The following STRBP variants were observed in gnomAD, a reference collection of about 807,000 sequenced individuals.
STRBP encodes spermatid perinuclear RNA-binding protein.
STRBP carries 13 observed loss-of-function variants against 80.1 expected under a neutral mutation model. The observed-to-expected ratio is 0.16, with a 90% CI of 0.11 to 0.26. The LOEUF (loss-of-function observed/expected upper bound fraction) is 0.26, where lower values mean the gene tolerates loss of function less well. Ranked by LOEUF, STRBP falls within the 10% of genes least tolerant of loss-of-function variation. The probability of loss-of-function intolerance (pLI) is 1.00; values close to 1 mark genes in which losing one functional copy is unlikely to be tolerated. For synonymous variants in STRBP, 284 were observed against 291.2 expected (o/e 0.98, Z 0.25); for missense variants, 485 against 815.2 (o/e 0.59, Z 4.93).
At chr9:123,263,611 C>G (rs1206497057) in intron 1 of STRBP, among the ~76,000 whole-genome samples, 1 of 150,610 alleles carries the variant, frequency 6.6e-6, no homozygotes, top group Non-Finnish European at 1.5e-5. Context: ...CTCTTTACAA[C>G]TTGTAAACCA....
intron 13 of STRBP, among the ~76,000 whole-genome samples, chr9:123,141,365 T>C (rs1204892179): frequency 6.6e-6 from 1 of 152,220 alleles, no homozygotes; most frequent in Non-Finnish European, 1.5e-5. Context: ...TTTTTTAACA[T>C]CTTAAGTTCT....
chr9:123,167,282 A>AT (rs771895808), intron 6 of STRBP, among the ~76,000 whole-genome samples: 4 of 150,932 alleles, frequency 2.7e-5, no homozygotes, highest in African/African-American at 4.9e-5. Flanking sequence ...GTTACAATGG[A>AT]TTTTTTTTTA....
chr9:123,122,744 G>A lies in STRBP; in HGVS notation c.*2853C>T. On this transcript the variant is annotated 3_prime_UTR_variant, in exon 19 of 19. Transcript: ENST00000348403. ...GGCTTCAAGGAGGACCCCTATCTCT[G>A]AGAAATTATAGTAACGCTAACTGAC... 1 of 992,676 alleles carries A rather than the reference G, an allele frequency of 1.0e-6. No individual in the cohort carries two copies. Among genetic ancestry groups the A allele is most frequent in the South Asian group, 4.6e-5 (1 of 21,874 alleles). The allele number at this position is 992,676 out of a possible 1,614,324, so 61.5% of individuals were successfully genotyped here.
chr9:123,219,133 C>A lies in STRBP; in HGVS notation c.-165+17697G>T, dbSNP rs16926267. Among the ~76,000 whole-genome samples, 428 of 152,258 alleles carry A rather than the reference C, an allele frequency of 2.8e-3. 5 individuals are homozygous for A. Among genetic ancestry groups the A allele is most frequent in the African/African-American group, 9.9e-3 (413 of 41,548 alleles). On this transcript the variant is annotated intron_variant, in intron 2 of 18. Transcript: ENST00000348403. ...CCATTCTACAAGGGCTCCCTATGCC[C>A]TAAAAGACAGAGAACAGGAGTTTGC... is the stretch of plus-strand genomic sequence containing the variant.
chr9:123,205,777 C>A (rs1003792031), intron 2 of STRBP, among the ~76,000 whole-genome samples: 1 of 152,138 alleles, frequency 6.6e-6, no homozygotes, highest in African/African-American at 2.4e-5. Context: ...GCATCCTCTG[C>A]CACAGTTGGA....
intron 2 of STRBP, among the ~76,000 whole-genome samples, chr9:123,222,531 A>T (rs1221076789): frequency 6.6e-6 from 1 of 152,220 alleles, no homozygotes; most frequent in African/African-American, 2.4e-5. Flanking sequence ...ACAAATTACT[A>T]ATATCAGAAA....
intron 2 of STRBP, among the ~76,000 whole-genome samples, chr9:123,116,534 AG>A (rs1336831882): frequency 6.6e-6 from 1 of 152,198 alleles, no homozygotes; most frequent in Non-Finnish European, 1.5e-5. Flanking sequence ...ACACTAACAA[AG>A]GAACAGAAAA....
intron 6 of STRBP, among the ~76,000 whole-genome samples, chr9:123,168,549 T>G (rs1017325587): frequency 2.0e-5 from 3 of 152,242 alleles, no homozygotes; most frequent in Admixed American, 1.3e-4. Context: ...TGGTACCTTT[T>G]TCTCTACCCT....
intron 3 of STRBP, among the ~76,000 whole-genome samples, chr9:123,180,509 T>A (rs1024361376): frequency 6.6e-6 from 1 of 152,212 alleles, no homozygotes; most frequent in African/African-American, 2.4e-5. Flanking sequence ...CTCCTCAGGA[T>A]TGATTTACTT....
intron 11 of STRBP, among the ~76,000 whole-genome samples, chr9:123,155,897 A>G (rs2037263612): frequency 6.6e-6 from 1 of 152,048 alleles, no homozygotes; most frequent in South Asian, 2.1e-4. Flanking sequence ...CTAGGTGCTA[A>G]AAGCATGAAA....
intron 16 of STRBP, among the ~76,000 whole-genome samples, chr9:123,135,631 C>T (rs1015864079): frequency 6.6e-6 from 1 of 152,048 alleles, no homozygotes; most frequent in Non-Finnish European, 1.5e-5. Flanking sequence ...TGCAAAAGCA[C>T]GAAACTGCAA....
At chr9:123,134,274 A>G (rs1588459088) in intron 16 of STRBP, among the ~76,000 whole-genome samples, 1 of 152,360 alleles carries the variant, frequency 6.6e-6, no homozygotes, top group Admixed American at 6.5e-5. Flanking sequence ...AGCGTACTCT[A>G]TGATAAAGTC....
rs1039732854 is a variant in STRBP, at chr9:123,263,023, G to C, written c.-302+5413C>G. ...AATAAAGTTTTCTAAAATTAGACTC[G>C]ATTCACTAGCCTCTTAGAATTACTA... is the stretch of plus-strand genomic sequence containing the variant. On this transcript the variant is annotated intron_variant, in intron 1 of 18. Coordinates refer to ENST00000348403, the MANE Select transcript of STRBP (RefSeq NM_018387.5). Among the ~76,000 whole-genome samples, 7 of 152,218 alleles carry C rather than the reference G, an allele frequency of 4.6e-5. No individual in the cohort carries two copies. In the East Asian group the frequency reaches 1.2e-3, roughly 25 times the overall value.
At chr9:123,163,898 A>C (rs1417345566) in intron 6 of STRBP, among the ~76,000 whole-genome samples, 2 of 152,174 alleles carry the variant, frequency 1.3e-5, no homozygotes, top group African/African-American at 2.4e-5. Flanking sequence ...TGGAGTTCTT[A>C]ATTAGAAACA....
At chr9:123,256,956 C>A (rs1034448106) in intron 1 of STRBP, among the ~76,000 whole-genome samples, 1 of 147,658 alleles carries the variant, frequency 6.8e-6, no homozygotes, top group Non-Finnish European at 1.5e-5. Flanking sequence ...AAACATTATT[C>A]GAGAACCAGT....
At chr9:123,150,553 G>C (rs1391937627) in intron 11 of STRBP, among the ~76,000 whole-genome samples, 1 of 151,912 alleles carries the variant, frequency 6.6e-6, no homozygotes, top group Non-Finnish European at 1.5e-5. Context: ...ACTCCAGCCT[G>C]GGCAACATAG....
chr9:123,157,151 T>A (rs574848026), intron 11 of STRBP, among the ~76,000 whole-genome samples: 1 of 152,296 alleles, frequency 6.6e-6, no homozygotes, highest in African/African-American at 2.4e-5. Flanking sequence ...AAAACCTACA[T>A]TTTTTCTGCT....
chr9:123,155,185 T>C (rs192030887), intron 11 of STRBP, among the ~76,000 whole-genome samples: 31 of 152,318 alleles, frequency 2.0e-4, no homozygotes, highest in Non-Finnish European at 4.0e-4. Flanking sequence ...AAGTTATCTC[T>C]TAATATTTAT....
chr9:123,255,828 C>T (rs1370231243), intron 1 of STRBP, among the ~76,000 whole-genome samples: 2 of 151,998 alleles, frequency 1.3e-5, no homozygotes, highest in Non-Finnish European at 2.9e-5. Flanking sequence ...ACCATCACAC[C>T]TGCAAACGTT....
Sources: allele counts gnomAD v4.1 joint callset (sites outside exome capture counted in the v4.1 genomes callset), GRCh38; gene constraint gnomAD v4.1.1; transcripts MANE v1.5; gene names NCBI Gene and HGNC (gene_info 2026-07-23, HGNC 2026-07-21).